Variants in DMD observed in about 807,000 individuals in gnomAD.
The protein encoded by DMD is dystrophin.
A neutral mutation model predicts 330.1 loss-of-function variants in DMD; 63 were observed. The ratio of observed to expected loss-of-function variants is 0.19; its 90% CI spans 0.16 to 0.24. The LOEUF (loss-of-function observed/expected upper bound fraction) is 0.24, where lower values mean the gene tolerates loss of function less well. DMD is among the 10% of genes least tolerant of loss of function. The pLI is 1.00. For synonymous variants in DMD, 1,223 were observed against 959.8 expected (o/e 1.27, Z -5.07); for missense variants, 3,344 against 2,684.1 (o/e 1.25, Z -5.43).
At chrX:31,815,423 C>G (rs764810243) in intron 50 of DMD, among the ~76,000 whole-genome samples, 1 of 104,330 alleles carries the variant, frequency 9.6e-6, no homozygotes, top group African/African-American at 3.6e-5. Flanking sequence ...GCACTCCAGC[C>G]TGGGTGACAG....
chrX:31,530,325 A>G, intron 55 of DMD, among the ~76,000 whole-genome samples: 1 of 112,100 alleles, frequency 8.9e-6, no homozygotes, highest in Admixed American at 9.5e-5. Context: ...GAGATATGGT[A>G]TATTATACAC....
chrX:32,547,153 A>T (rs2049053598), intron 16 of DMD, among the ~76,000 whole-genome samples: 1 of 111,449 alleles, frequency 9.0e-6, no homozygotes, highest in African/African-American at 3.3e-5. Context: ...AAAATACCTA[A>T]TTTTAAACAT....
chrX:33,182,301 G>A (rs1421112368), intron 1 of DMD, among the ~76,000 whole-genome samples: 1 of 111,610 alleles, frequency 9.0e-6, no homozygotes. Context: ...ATCTTGCTCT[G>A]TTGCCCAAGT....
chrX:33,290,045 C>G (rs1603428658), intron 1 of DMD, among the ~76,000 whole-genome samples: 1 of 111,511 alleles, frequency 9.0e-6, no homozygotes, highest in African/African-American at 3.3e-5. Flanking sequence ...ATGTGCTCCT[C>G]CTTATATATT....
chrX:31,863,061 C>A (rs1163957658), intron 48 of DMD, among the ~76,000 whole-genome samples: 1 of 112,628 alleles, frequency 8.9e-6, no homozygotes, highest in Admixed American at 9.3e-5. Flanking sequence ...CAGCATGTTG[C>A]GGCCGGGTGA....
chrX:32,604,823 T>A (rs376811259), intron 12 of DMD, among the ~76,000 whole-genome samples: 9,301 of 92,945 alleles, frequency 0.1, 359 homozygotes, highest in Middle Eastern at 0.14. Context: ...AAAAAAAAAA[T>A]ACCTAGGAAT....
intron 1 of DMD, among the ~76,000 whole-genome samples, chrX:33,095,297 A>G (rs2095142464): frequency 1.8e-5 from 2 of 112,591 alleles, no homozygotes; most frequent in African/African-American, 6.4e-5. Flanking sequence ...CAACACTCAC[A>G]CGGGTGGTAT....
chrX:31,228,256 TA>T (rs750444358), intron 63 of DMD, among the ~76,000 whole-genome samples: 936 of 61,776 alleles, frequency 0.015, 20 homozygotes, highest in African/African-American at 0.048. Flanking sequence ...TAAAGTATAA[TA>T]AAAAAAAAAT....
At chrX:31,183,844 T>C (rs765054532) in intron 67 of DMD, among the ~76,000 whole-genome samples, 63 of 101,970 alleles carry the variant, frequency 6.2e-4, no homozygotes, top group African/African-American at 2.4e-3. Flanking sequence ...CAAGCTCTGT[T>C]TGTCTGAAAA....
chrX:32,919,785 T>C (rs996576999), intron 2 of DMD, among the ~76,000 whole-genome samples: 1 of 111,684 alleles, frequency 9.0e-6, no homozygotes, highest in Non-Finnish European at 1.9e-5. Context: ...ACATGTTATA[T>C]AGACTTTGAT....
intron 1 of DMD, among the ~76,000 whole-genome samples, chrX:33,260,866 T>C (rs1338343957): frequency 1.8e-5 from 2 of 111,604 alleles, no homozygotes; most frequent in Non-Finnish European, 3.8e-5. Flanking sequence ...TAAACAGTCA[T>C]TGATTCAATT....
At chrX:31,364,422 G>C (rs1056801832) in intron 60 of DMD, among the ~76,000 whole-genome samples, 3 of 111,628 alleles carry the variant, frequency 2.7e-5, no homozygotes, top group Non-Finnish European at 5.6e-5. Context: ...GATGGCAGGT[G>C]GGCCTGCAGC....
Position 32,518,303 on chromosome X carries a change from G to C in DMD, c.2169-172C>G, listed in dbSNP as rs545611907. Among the ~76,000 whole-genome samples, 8 of 110,665 alleles carry C rather than the reference G, an allele frequency of 7.2e-5. No individual in the cohort carries two copies. The East Asian group carries it at 1.1e-3, about 16-fold the overall frequency. On this transcript the variant is annotated intron_variant, in intron 17 of 78. Coordinates refer to ENST00000357033, the MANE Select transcript of DMD (RefSeq NM_004006.3). ...TCCCTGTTAGGTAGACTCAAATTTGGAGTCAGCTTTGATCTAGAGTCTTAT... is the reference window on the plus strand; with the variant it reads ...TCCCTGTTAGGTAGACTCAAATTTGCAGTCAGCTTTGATCTAGAGTCTTAT...
chrX:32,685,355 C>CT (rs2062778263), intron 9 of DMD, among the ~76,000 whole-genome samples: 1 of 111,592 alleles, frequency 9.0e-6, no homozygotes, highest in Non-Finnish European at 1.9e-5. Flanking sequence ...AGAAAGAGGA[C>CT]TACATATCTT....
At chrX:32,480,123 A>G (rs1040919804) in intron 21 of DMD, among the ~76,000 whole-genome samples, 1 of 111,903 alleles carries the variant, frequency 8.9e-6, no homozygotes, top group African/African-American at 3.2e-5. Context: ...ATTTCTCGCA[A>G]TAAGAGGCAC....
chrX:33,274,893 G>A (rs1237188949), intron 1 of DMD, among the ~76,000 whole-genome samples: 3 of 111,383 alleles, frequency 2.7e-5, no homozygotes, highest in Admixed American at 1.9e-4. Flanking sequence ...CCTTCATAGC[G>A]AGGAAGCCAG....
intron 43 of DMD, among the ~76,000 whole-genome samples, chrX:32,262,155 T>C (rs1231642401): frequency 8.9e-6 from 1 of 112,084 alleles, no homozygotes; most frequent in Admixed American, 9.5e-5. Context: ...CAAATTACAA[T>C]GTTTTTATTG....
At chrX:31,814,853 T>C (rs1330589111) in intron 50 of DMD, among the ~76,000 whole-genome samples, 1 of 112,084 alleles carries the variant, frequency 8.9e-6, no homozygotes, top group African/African-American at 3.2e-5. Flanking sequence ...TGGCTTTTCT[T>C]CTCAGAGGTC....
At chrX:32,722,047 T>TTTA (rs1432857658) in intron 7 of DMD, among the ~76,000 whole-genome samples, 1 of 110,724 alleles carries the variant, frequency 9.0e-6, no homozygotes, top group East Asian at 2.8e-4. Flanking sequence ...CAATACTCTT[T>TTTA]TTAATACTGT....
Sources: gnomAD v4.1 joint callset for allele counts (sites outside exome capture counted in the v4.1 genomes callset) on GRCh38, gnomAD v4.1.1 for gene constraint, MANE v1.5 for transcripts, NCBI Gene and HGNC (gene_info 2026-07-23, HGNC 2026-07-21) for gene names.